Variants in NDUFAF2 observed in about 807,000 individuals in gnomAD.
NDUFAF2 encodes the protein NADH dehydrogenase [ubiquinone] 1 alpha subcomplex assembly factor 2.
NDUFAF2 carries 13 observed loss-of-function variants against 22.8 expected under a neutral mutation model. The observed-to-expected ratio is 0.57, with a 90% CI of 0.37 to 0.91. The LOEUF is 0.91. NDUFAF2 is among the 40% of genes least tolerant of loss of function. The pLI, the probability that NDUFAF2 is intolerant of heterozygous loss-of-function variation, is 0.01. For synonymous variants in NDUFAF2, 53 were observed against 64.2 expected (o/e 0.83, Z 0.84); for missense variants, 162 against 195.2 (o/e 0.83, Z 1.01).
At chr5:61,013,707 T>C (rs1751471003) in intron 1 of NDUFAF2, among the ~76,000 whole-genome samples, 1 of 151,876 alleles carries the variant, frequency 6.6e-6, no homozygotes. Flanking sequence ...ATCTCCTTTT[T>C]TTTTTTTTGG....
chr5:61,093,315 T>C (rs1020231727), intron 2 of NDUFAF2, among the ~76,000 whole-genome samples: 1 of 152,188 alleles, frequency 6.6e-6, no homozygotes, highest in African/African-American at 2.4e-5. Flanking sequence ...TATCCTTCAA[T>C]CCAATCACGC....
rs1242638708 is a variant in NDUFAF2, at chr5:61,103,666, G to T, written c.258+4634G>T. On this transcript the variant is annotated intron_variant, in intron 3 of 3. Transcript: ENST00000296597. ...TACTATGTAATTACATGGTTTCTGT[G>T]AGATGGGTTTGAATTTCTATCAGCC... 2.6e-5 allele frequency among the ~76,000 whole-genome samples: 4 copies of T among 152,056 alleles called. No homozygotes were observed. The East Asian group carries it at 7.7e-4, about 29-fold the overall frequency.
chr5:61,026,439 G>A (rs188229728), intron 1 of NDUFAF2, among the ~76,000 whole-genome samples: 2 of 152,132 alleles, frequency 1.3e-5, no homozygotes, highest in African/African-American at 4.8e-5. Flanking sequence ...TATGTGTTTA[G>A]TCATTTGTAG....
At chr5:61,076,027 T>C (rs1416326975) in intron 2 of NDUFAF2, among the ~76,000 whole-genome samples, 5 of 152,004 alleles carry the variant, frequency 3.3e-5, no homozygotes, top group African/African-American at 9.7e-5. Flanking sequence ...CCACAGAAAA[T>C]AAAGCAGGGA....
chr5:61,121,649 G>A (rs909967059), intron 3 of NDUFAF2, among the ~76,000 whole-genome samples: 8 of 152,022 alleles, frequency 5.3e-5, no homozygotes, highest in Non-Finnish European at 1.0e-4. Context: ...TTGTGTCAAA[G>A]TATTTTTTTA....
intron 1 of NDUFAF2, among the ~76,000 whole-genome samples, chr5:60,994,219 G>A (rs991633927): frequency 3.3e-5 from 5 of 152,370 alleles, no homozygotes; most frequent in Middle Eastern, 6.8e-3. Flanking sequence ...CACTAGGAGC[G>A]GGAGCAGACA....
intron 2 of NDUFAF2, among the ~76,000 whole-genome samples, chr5:61,093,197 A>C (rs781114727): frequency 6.6e-6 from 1 of 152,202 alleles, no homozygotes; most frequent in Non-Finnish European, 1.5e-5. Flanking sequence ...AGCTGATTAG[A>C]TGGTACCCAC....
chr5:61,024,000 T>C (rs545978126), intron 1 of NDUFAF2, among the ~76,000 whole-genome samples: 20 of 152,316 alleles, frequency 1.3e-4, no homozygotes, highest in African/African-American at 4.8e-4. Flanking sequence ...TGGCTTTGAC[T>C]TCTATTTGTT....
At chr5:60,997,537 T>C (rs976414168) in intron 1 of NDUFAF2, among the ~76,000 whole-genome samples, 1 of 152,214 alleles carries the variant, frequency 6.6e-6, no homozygotes, top group Non-Finnish European at 1.5e-5. Flanking sequence ...GCTCTCTTTG[T>C]ATAACATACC....
chr5:61,114,628 A>G (rs1752888075), intron 3 of NDUFAF2: 1 of 152,100 alleles, frequency 6.6e-6, no homozygotes, highest in Admixed American at 6.6e-5. Flanking sequence ...AGAATTTGGT[A>G]TTTATTGTAA....
intron 1 of NDUFAF2, among the ~76,000 whole-genome samples, chr5:60,988,822 C>A (rs1282441389): frequency 6.6e-6 from 1 of 152,076 alleles, no homozygotes; most frequent in Non-Finnish European, 1.5e-5. Context: ...AACTATAATA[C>A]CCTGGAAGAT....
chr5:61,001,657 TAATA>T (rs1192380709), intron 1 of NDUFAF2, among the ~76,000 whole-genome samples: 1 of 152,156 alleles, frequency 6.6e-6, no homozygotes, highest in Non-Finnish European at 1.5e-5. Context: ...ATGGATAACT[TAATA>T]AATAAAAAGT....
chr5:61,025,966 A>C (rs1751644318), intron 1 of NDUFAF2, among the ~76,000 whole-genome samples: 1 of 152,064 alleles, frequency 6.6e-6, no homozygotes, highest in African/African-American at 2.4e-5. Flanking sequence ...GCTTTTTAAA[A>C]AAGTTAACTC....
At chr5:61,121,548 G>A (rs1009992977) in intron 3 of NDUFAF2, among the ~76,000 whole-genome samples, 1 of 152,174 alleles carries the variant, frequency 6.6e-6, no homozygotes, top group African/African-American at 2.4e-5. Context: ...AAGTTGTGGT[G>A]TCAAATGTAT....
chr5:61,034,908 A>ATGTGTG (rs1481764474), intron 1 of NDUFAF2, among the ~76,000 whole-genome samples: 1 of 67,164 alleles, frequency 1.5e-5, no homozygotes, highest in Non-Finnish European at 3.3e-5. Context: ...GTAGGCAAAT[A>ATGTGTG]TATATGTGTG....
chr5:61,072,312 A>G (rs1349899082), intron 1 of NDUFAF2, among the ~76,000 whole-genome samples: 1 of 152,190 alleles, frequency 6.6e-6, no homozygotes, highest in African/African-American at 2.4e-5. Flanking sequence ...CAGATGGGCC[A>G]CAGAATTCAA....
intron 1 of NDUFAF2, among the ~76,000 whole-genome samples, chr5:60,972,931 G>T (rs1750855524): frequency 6.6e-6 from 1 of 151,110 alleles, no homozygotes; most frequent in African/African-American, 2.4e-5. Context: ...TCATTTGTTA[G>T]TTTCTAATGA....
intron 1 of NDUFAF2, among the ~76,000 whole-genome samples, chr5:61,022,329 T>C (rs1751594424): frequency 6.6e-6 from 1 of 152,188 alleles, no homozygotes; most frequent in Non-Finnish European, 1.5e-5. Context: ...CTTTCTATGC[T>C]CAGTTTTCCT....
intron 1 of NDUFAF2, among the ~76,000 whole-genome samples, chr5:60,947,993 C>G (rs1191068533): frequency 2.6e-5 from 4 of 151,476 alleles, no homozygotes; most frequent in South Asian, 2.1e-4. Context: ...GTATAATTGA[C>G]AAAAAAAATT....
Sources: gnomAD v4.1 joint callset for allele counts (sites outside exome capture counted in the v4.1 genomes callset) on GRCh38, gnomAD v4.1.1 for gene constraint, MANE v1.5 for transcripts, NCBI Gene and HGNC (gene_info 2026-07-23, HGNC 2026-07-21) for gene names.